Variants in P4HA2 observed in about 807,000 individuals in gnomAD.
P4HA2 encodes the protein prolyl 4-hydroxylase subunit alpha-2.
Under a neutral mutation model 76.9 loss-of-function variants are expected in P4HA2, and 46 were observed. That is an observed-to-expected ratio of 0.60 (90% CI 0.47 to 0.76). P4HA2 has a LOEUF of 0.76. Ranked by LOEUF, P4HA2 falls within the 30% of genes least tolerant of loss-of-function variation. The pLI, the probability that P4HA2 is intolerant of heterozygous loss-of-function variation, is 0.00. For synonymous variants in P4HA2, 243 were observed against 254.0 expected, an observed-to-expected ratio of 0.96 and a Z score of 0.41; for missense variants, 583 against 669.4, an observed-to-expected ratio of 0.87 and a Z score of 1.42.
At position 132,192,392 on chromosome 5, in the gene P4HA2, G is replaced by T. The variant is rs1417721430; in HGVS notation, c.*618C>A. 1 of 152,308 alleles carries T rather than the reference G, an allele frequency of 6.6e-6. No individual in the cohort carries two copies. The highest frequency in any genetic ancestry group is 1.5e-5 in the Non-Finnish European group (1 of 68,076). The allele number at this position is 152,308 out of a possible 1,614,324, so 9.4% of individuals were successfully genotyped here. A position where few individuals can be genotyped will look rare whatever the true frequency, so the allele number is the denominator to read the frequency against. On this transcript the variant is annotated 3_prime_UTR_variant, in exon 15 of 15. Transcript: ENST00000360568. ...CATGAACACATGTGCTATGTTCTCTGGGAGACAAAGAGAAACTATTTACCC... is the reference window on the plus strand; with the variant it reads ...CATGAACACATGTGCTATGTTCTCTTGGAGACAAAGAGAAACTATTTACCC...
intron 3 of P4HA2, 145 bp from the exon 4 acceptor site, chr5:132,217,493 C>T: frequency 1.4e-6 from 1 of 721,234 alleles, no homozygotes; most frequent in South Asian, 1.8e-5. Context: ...CAGTAACTCC[C>T]CACAGATACT....
chr5:132,198,912 T>C lies in P4HA2; in HGVS notation c.1272A>G (p.Gly424=). The change falls in exon 11 of 15, where the codon GGA becomes GGG. Residue 424 remains glycine (G), a synonymous_variant. Coordinates refer to ENST00000360568, the MANE Select transcript of P4HA2 (RefSeq NM_001017974.2). ...AGTCGAAGTGCGGTTCATACTGTCCTCCCACTCCATAATTTGCAACCTGTG... is the reference window on the plus strand; with the variant it reads ...AGTCGAAGTGCGGTTCATACTGTCCCCCCACTCCATAATTTGCAACCTGTG... The part of the protein sequence containing the change: ...ELLQVANYGV[G]GQYEPHFDFS... 1 of 1,612,654 alleles carries C rather than the reference T, an allele frequency of 6.2e-7. No homozygotes were observed. The highest frequency in any genetic ancestry group is 8.5e-7 in the Non-Finnish European group (1 of 1,178,666).
At chr5:132,197,000 A>G (rs1397958776) in intron 12 of P4HA2, among the ~76,000 whole-genome samples, 1 of 152,186 alleles carries the variant, frequency 6.6e-6, no homozygotes, top group Non-Finnish European at 1.5e-5. Flanking sequence ...GCATGTAATA[A>G]CCACACAATA....
intron 14 of P4HA2, among the ~76,000 whole-genome samples, chr5:132,194,623 C>T (rs1282326861): frequency 6.6e-6 from 1 of 152,218 alleles, no homozygotes; most frequent in African/African-American, 2.4e-5. Context: ...TTCCAGCTCT[C>T]CACTCTGCTC....
At chr5:132,199,567 G>T (rs1258226114) in intron 10 of P4HA2, 1 of 152,276 alleles carries the variant, frequency 6.6e-6, no homozygotes, top group Non-Finnish European at 1.5e-5. Flanking sequence ...CAACTACCAG[G>T]TGTCATAAAT....
chr5:132,203,795 T>C lies in P4HA2; in HGVS notation c.1204A>G (p.Met402Val). Reference protein sequence around the residue: ...DPVVARVNRRMQHITGLTVKT... With the variant: ...DPVVARVNRRVQHITGLTVKT... ...ACTGTTAACCCTGTGATATGCTGCA[T>C]CCGACGATTTACTCGGGCCACAACA... Residue 402 changes from methionine to valine, a missense_variant, in exon 10 of 15, where the codon ATG (methionine) becomes GTG (valine). By Grantham distance (21) the Met-to-Val change is conservative. Coordinates refer to ENST00000360568, the MANE Select transcript of P4HA2 (RefSeq NM_001017974.2). 1 of 1,613,836 alleles carries C rather than the reference T, an allele frequency of 6.2e-7. No homozygotes were observed. Among genetic ancestry groups the C allele is most frequent in the Non-Finnish European group, 8.5e-7 (1 of 1,179,710 alleles).
intron 4 of P4HA2, among the ~76,000 whole-genome samples, chr5:132,214,772 C>A (rs1329498715): frequency 6.6e-6 from 1 of 152,122 alleles, no homozygotes; most frequent in African/African-American, 2.4e-5. Flanking sequence ...GTACTCCCAC[C>A]ACTCAGACCT....
intron 8 of P4HA2, among the ~76,000 whole-genome samples, chr5:132,206,714 T>C (rs1008769587): frequency 5.9e-5 from 9 of 152,200 alleles, no homozygotes; most frequent in Admixed American, 2.0e-4. Context: ...CATAGGAATT[T>C]CCAGGAAATT....
At chr5:132,226,107 C>T (rs772065989) in intron 1 of P4HA2, among the ~76,000 whole-genome samples, 67 of 152,168 alleles carry the variant, frequency 4.4e-4, no homozygotes, top group Non-Finnish European at 5.9e-4. Context: ...ACCTTGGACA[C>T]CTCAGGGGCA....
At position 132,209,301 on chromosome 5, in the gene P4HA2, A is replaced by G. The variant is rs1443314138; in HGVS notation, c.740T>C (p.Leu247Pro). 1 of 1,614,036 alleles carries G rather than the reference A, an allele frequency of 6.2e-7. No individual in the cohort carries two copies. The highest frequency in any genetic ancestry group is 8.5e-7 in the Non-Finnish European group (1 of 1,180,022). Reference protein sequence around the residue: ...DPSHERAGGNLRYFEQLLEEE... With the variant: ...DPSHERAGGNPRYFEQLLEEE... The stretch of plus-strand genomic sequence containing the variant: ...CTCCAATAACTGCTCAAAGTACCGC[A>G]GATTCCCTCCAGCTCGTTCGTGGCT... The change falls in exon 7 of 15, where the codon CTG becomes CCG. Residue 247 changes from leucine (L) to proline (P), a missense_variant. Coordinates refer to ENST00000360568, the MANE Select transcript of P4HA2 (RefSeq NM_001017974.2).
chr5:132,192,828 T>C lies in P4HA2; in HGVS notation c.*182A>G, dbSNP rs1750039644. 1 of 573,580 alleles carries C rather than the reference T, an allele frequency of 1.7e-6. No individual in the cohort carries two copies. Among genetic ancestry groups the C allele is most frequent in the African/African-American group, 1.9e-5 (1 of 53,632 alleles). 35.5% of individuals were successfully genotyped at this position (573,580 alleles called of 1,614,324 possible). A position where few individuals can be genotyped will look rare whatever the true frequency, so the allele number is the denominator to read the frequency against. On this transcript the variant is annotated 3_prime_UTR_variant, in exon 15 of 15. Transcript: ENST00000360568. ...CCTTGGGGCCAGGGATGGCACAGGC[T>C]GAATGGAAGGGCTGGGACTTCAGTC... is the stretch of plus-strand genomic sequence containing the variant.
intron 1 of P4HA2, among the ~76,000 whole-genome samples, chr5:132,219,608 G>C (rs893965348): frequency 3.9e-5 from 6 of 152,140 alleles, no homozygotes; most frequent in South Asian, 4.1e-4. Flanking sequence ...CTGTACCCCA[G>C]CTCTGCCGGT....
At chr5:132,226,304 G>A (rs1334003812) in intron 1 of P4HA2, among the ~76,000 whole-genome samples, 2 of 152,130 alleles carry the variant, frequency 1.3e-5, no homozygotes, top group African/African-American at 2.4e-5. Flanking sequence ...ACAACGTAAC[G>A]GACTCCAGCC....
At chr5:132,217,949 G>T in intron 2 of P4HA2, 101 bp from the exon 3 acceptor site, 1 of 700,400 alleles carries the variant, frequency 1.4e-6, no homozygotes, top group Non-Finnish European at 2.5e-6. Flanking sequence ...AGTCCCCTGG[G>T]ATAAGAACAT....
chr5:132,213,337 G>T (rs1360650912), intron 5 of P4HA2, among the ~76,000 whole-genome samples: 2 of 152,160 alleles, frequency 1.3e-5, no homozygotes, highest in African/African-American at 4.8e-5. Context: ...CCAGGAAAAT[G>T]GACAGAGTGT....
At chr5:132,197,681 A>G (rs1750857132) in intron 12 of P4HA2, among the ~76,000 whole-genome samples, 1 of 151,484 alleles carries the variant, frequency 6.6e-6, no homozygotes, top group East Asian at 1.9e-4. Flanking sequence ...CCTTGAGGAC[A>G]TTATGCACCA....
chr5:132,220,118 G>C (rs1005734244), intron 1 of P4HA2, among the ~76,000 whole-genome samples: 1 of 152,242 alleles, frequency 6.6e-6, no homozygotes, highest in African/African-American at 2.4e-5. Flanking sequence ...CAGCAGAAGA[G>C]AGCAAGTCAT....
chr5:132,214,019 G>A lies in P4HA2; in HGVS notation c.366C>T (p.Phe122=), dbSNP rs201416459. ...FIANLSVQRQ[F]FPTDEDEIGA... ...CTATCTCGTCCTCATCAGTGGGGAA[G>A]AACTGCCGCTGCACAGAGAGGTTGG... Residue 122 remains phenylalanine, a synonymous_variant, in exon 5 of 15, where the codon TTC becomes TTT. Transcript: ENST00000360568. The A allele has an allele frequency of 1.2e-6, 2 of 1,614,052 alleles. No homozygotes were observed. The highest frequency in any genetic ancestry group is 1.7e-6 in the Non-Finnish European group (2 of 1,179,902).
intron 6 of P4HA2, among the ~76,000 whole-genome samples, chr5:132,209,893 G>C (rs1363006366): frequency 6.6e-6 from 1 of 151,976 alleles, no homozygotes; most frequent in Admixed American, 6.6e-5. Flanking sequence ...TTAGACCTCA[G>C]GCCTCTAATA....
Sources: gnomAD v4.1 joint callset for allele counts (sites outside exome capture counted in the v4.1 genomes callset) on GRCh38, gnomAD v4.1.1 for gene constraint, MANE v1.5 for transcripts, NCBI Gene and HGNC (gene_info 2026-07-23, HGNC 2026-07-21) for gene names.